SPOCK1: variants seen among roughly 807,000 people sequenced by gnomAD.
SPOCK1 encodes the protein SPARC (osteonectin), cwcv and kazal like domains proteoglycan 1.
In SPOCK1, 23 loss-of-function variants were observed where a neutral mutation model predicts 55.3. The ratio of observed to expected loss-of-function variants is 0.42; its 90% CI spans 0.30 to 0.59. SPOCK1 has a LOEUF of 0.59. SPOCK1 is among the 20% of genes least tolerant of loss of function. The probability of loss-of-function intolerance (pLI) is 0.22; values close to 1 mark genes in which losing one functional copy is unlikely to be tolerated. For synonymous variants in SPOCK1, 226 were observed against 221.0 expected, an observed-to-expected ratio of 1.02 and a Z score of -0.20; for missense variants, 499 against 552.5, an observed-to-expected ratio of 0.90 and a Z score of 0.97.
chr5:136,978,354 T>A lies in SPOCK1; in HGVS notation c.*300A>T. 5.5e-6 allele frequency: 2 copies of A among 364,604 alleles called. No individual in the cohort carries two copies. The highest frequency in any genetic ancestry group is 4.9e-6 in the Non-Finnish European group (1 of 204,854). 22.6% of individuals were successfully genotyped at this position (364,604 alleles called of 1,614,324 possible). A position where few individuals can be genotyped will look rare whatever the true frequency, so the allele number is the denominator to read the frequency against. On this transcript the variant is annotated 3_prime_UTR_variant, in exon 11 of 11. Coordinates refer to ENST00000394945, the MANE Select transcript of SPOCK1 (RefSeq NM_004598.4). ...CTCCCTGCACTGTCAGAATTCCACG[T>A]AAATCACATGCTTGTTGGAAAAATC...
intron 2 of SPOCK1, among the ~76,000 whole-genome samples, chr5:137,386,711 G>T (rs541788912): frequency 2.6e-5 from 4 of 152,204 alleles, no homozygotes; most frequent in South Asian, 4.1e-4. Context: ...ACCCCTAGAA[G>T]ATAACACAGG....
At chr5:137,470,717 T>A (rs1166385956) in intron 2 of SPOCK1, among the ~76,000 whole-genome samples, 1 of 152,326 alleles carries the variant, frequency 6.6e-6, no homozygotes, top group East Asian at 1.9e-4. Context: ...CACCAGTGAA[T>A]CACTGTTTTG....
chr5:137,011,412 G>T (rs1751345838), intron 6 of SPOCK1, among the ~76,000 whole-genome samples: 1 of 152,076 alleles, frequency 6.6e-6, no homozygotes, highest in African/African-American at 2.4e-5. Flanking sequence ...CCCATAACGT[G>T]CCTTGAGATT....
rs79682160 is a variant in SPOCK1, at chr5:137,370,560, C to T, written c.187-103505G>A. On this transcript the variant is annotated intron_variant, in intron 2 of 10. Transcript: ENST00000394945. ...GGCAGCTGCTCCAATGAGTGACACT[C>T]GCTCATTAAAGAATGCATCATTCAA... 8.5e-3 allele frequency among the ~76,000 whole-genome samples: 1,294 copies of T among 152,284 alleles called. 17 individuals carry two copies. Among genetic ancestry groups the T allele is most frequent in the African/African-American group, 0.03 (1,227 of 41,562 alleles).
intron 3 of SPOCK1, among the ~76,000 whole-genome samples, chr5:137,216,922 A>C (rs962132741): frequency 1.3e-5 from 2 of 152,210 alleles, no homozygotes; most frequent in Non-Finnish European, 2.9e-5. Context: ...CCAAAAGGCA[A>C]GGTTTTAAAA....
chr5:137,167,286 T>C (rs1754666041), intron 3 of SPOCK1, among the ~76,000 whole-genome samples: 3 of 152,080 alleles, frequency 2.0e-5, no homozygotes, highest in South Asian at 4.1e-4. Context: ...ATAAATCTAT[T>C]TGCACCCAAA....
In SPOCK1 at chr5:137,137,567, T is replaced by G. The variant is rs372796805; in HGVS notation, c.347+3013A>C. Among the ~76,000 whole-genome samples the G allele has an allele frequency of 2.9e-3, 442 of 152,052 alleles. 15 individuals carry two copies. The South Asian group carries it at 0.085, about 29-fold the overall frequency. On this transcript the variant is annotated intron_variant, in intron 4 of 10. Coordinates refer to ENST00000394945, the MANE Select transcript of SPOCK1 (RefSeq NM_004598.4). Reference sequence around the variant, plus strand: ...CACCTCCCAGATCTTGATAAAGGAGTGGGCACACCATCTCAGCCAGTGCCT... The same window carrying G: ...CACCTCCCAGATCTTGATAAAGGAGGGGGCACACCATCTCAGCCAGTGCCT...
At chr5:137,149,398 G>T (rs557560761) in intron 3 of SPOCK1, among the ~76,000 whole-genome samples, 1 of 152,064 alleles carries the variant, frequency 6.6e-6, no homozygotes, top group Admixed American at 6.5e-5. Flanking sequence ...AAGGTATTTG[G>T]GTTCTATTTC....
Position 137,136,232 on chromosome 5 carries a change from G to A in SPOCK1, c.347+4348C>T, listed in dbSNP as rs1753981805. On this transcript the variant is annotated intron_variant, in intron 4 of 10. Transcript: ENST00000394945. ...TTCCAAGACTTCTAAAAAAGCCTAA[G>A]CTCTTATATTTAGGTCTACGACTCA... Among the ~76,000 whole-genome samples the A allele has an allele frequency of 2.6e-5, 4 of 152,220 alleles. 1 individual carries two copies. The South Asian group carries it at 8.3e-4, about 32-fold the overall frequency.
chr5:137,030,624 G>A (rs947284820), intron 6 of SPOCK1, among the ~76,000 whole-genome samples: 44 of 152,176 alleles, frequency 2.9e-4, no homozygotes, highest in African/African-American at 1.1e-3. Context: ...AAAAGATGTT[G>A]GCAAATGACC....
intron 2 of SPOCK1, among the ~76,000 whole-genome samples, chr5:137,484,093 G>C (rs1754004949): frequency 6.6e-6 from 1 of 152,200 alleles, no homozygotes; most frequent in South Asian, 2.1e-4. Flanking sequence ...GGTGGGAATG[G>C]ACTTGGTTTT....
chr5:137,157,518 C>A (rs889288116), intron 3 of SPOCK1, among the ~76,000 whole-genome samples: 3 of 152,150 alleles, frequency 2.0e-5, no homozygotes, highest in African/African-American at 7.2e-5. Flanking sequence ...AGAGGTGACT[C>A]CCAGAGCAAG....
intron 3 of SPOCK1, among the ~76,000 whole-genome samples, chr5:137,234,823 T>C (rs1756144606): frequency 6.6e-6 from 1 of 152,226 alleles, no homozygotes; most frequent in Admixed American, 6.5e-5. Flanking sequence ...GTTTAGTTAA[T>C]TAGTGATGTA....
At chr5:137,388,088 G>A (rs1316727516) in intron 2 of SPOCK1, among the ~76,000 whole-genome samples, 2 of 152,108 alleles carry the variant, frequency 1.3e-5, no homozygotes, top group African/African-American at 2.4e-5. Flanking sequence ...AATTAAAAGT[G>A]CATTTAAAGG....
At chr5:137,449,826 T>C (rs1753211668) in intron 2 of SPOCK1, among the ~76,000 whole-genome samples, 1 of 125,946 alleles carries the variant, frequency 7.9e-6, no homozygotes, top group Non-Finnish European at 1.6e-5. Context: ...GCCCAGGCTG[T>C]AGTGAGCTAT....
chr5:137,481,836 A>G (rs562802101), intron 2 of SPOCK1, among the ~76,000 whole-genome samples: 1 of 152,326 alleles, frequency 6.6e-6, no homozygotes, highest in South Asian at 2.1e-4. Context: ...CATTCCCCCT[A>G]AAGTATGCCA....
At chr5:137,416,271 ATCACCAGC>A (rs2149823717) in intron 2 of SPOCK1, among the ~76,000 whole-genome samples, 1 of 151,810 alleles carries the variant, frequency 6.6e-6, no homozygotes, top group Non-Finnish European at 1.5e-5. Flanking sequence ...TACAGAATTC[ATCACCAGC>A]AGATCCTCCC....
chr5:137,236,548 C>G (rs560669889), intron 3 of SPOCK1, among the ~76,000 whole-genome samples: 2 of 152,314 alleles, frequency 1.3e-5, no homozygotes, highest in African/African-American at 4.8e-5. Context: ...TAGAGGCAGG[C>G]TGTGCATAGA....
chr5:137,296,239 G>A (rs1757477167), intron 2 of SPOCK1, among the ~76,000 whole-genome samples: 1 of 152,130 alleles, frequency 6.6e-6, no homozygotes, highest in African/African-American at 2.4e-5. Flanking sequence ...CCAACATATG[G>A]TATTGTTGTT....
Sources: allele counts gnomAD v4.1 joint callset (sites outside exome capture counted in the v4.1 genomes callset), GRCh38; gene constraint gnomAD v4.1.1; transcripts MANE v1.5; gene names NCBI Gene and HGNC (gene_info 2026-07-23, HGNC 2026-07-21).